The following CCDC7 variants were observed in gnomAD, a reference collection of about 807,000 sequenced individuals.
CCDC7 encodes coiled-coil domain containing 7.
In CCDC7, 183 loss-of-function variants were observed where a neutral mutation model predicts 196.9. That is an observed-to-expected ratio of 0.93 (90% confidence interval 0.82 to 1.05). The LOEUF (loss-of-function observed/expected upper bound fraction) is 1.05. Ranked by LOEUF, CCDC7 falls within the 50% of genes least tolerant of loss-of-function variation. CCDC7 has a pLI of 0.00. For synonymous variants in CCDC7, 525 were observed against 484.6 expected, an observed-to-expected ratio of 1.08 and a Z score of -1.10; for missense variants, 1,540 against 1,482.2, an observed-to-expected ratio of 1.04 and a Z score of -0.64.
At chr10:32,694,416 G>T (rs911669274) in intron 23 of CCDC7, among the ~76,000 whole-genome samples, 6 of 152,142 alleles carry the variant, frequency 3.9e-5, no homozygotes, top group Admixed American at 1.3e-4. Flanking sequence ...TTCATTATGT[G>T]TCATTTTGCT....
chr10:32,579,376 C>T (rs565192100), intron 16 of CCDC7, among the ~76,000 whole-genome samples: 1 of 152,052 alleles, frequency 6.6e-6, no homozygotes, highest in Non-Finnish European at 1.5e-5. Context: ...TCACCATGTG[C>T]TTGGCCAGCC....
chr10:32,552,187 A>C (rs1042013256), intron 13 of CCDC7, among the ~76,000 whole-genome samples: 1 of 152,116 alleles, frequency 6.6e-6, no homozygotes, highest in African/African-American at 2.4e-5. Flanking sequence ...TGTTGCTTTA[A>C]AGTTTGTTTG....
chr10:32,569,258 T>G (rs1487094400), intron 15 of CCDC7, among the ~76,000 whole-genome samples: 1 of 152,198 alleles, frequency 6.6e-6, no homozygotes, highest in Non-Finnish European at 1.5e-5. Flanking sequence ...ACAGGAGATA[T>G]CATTATTGGA....
chr10:32,709,053 C>T (rs1006483798), intron 24 of CCDC7, among the ~76,000 whole-genome samples: 1 of 152,082 alleles, frequency 6.6e-6, no homozygotes, highest in East Asian at 1.9e-4. Flanking sequence ...TTCACAGTAG[C>T]AAAGCTTGGA....
chr10:32,671,808 G>A (rs1361014818), intron 21 of CCDC7, among the ~76,000 whole-genome samples: 2 of 152,124 alleles, frequency 1.3e-5, no homozygotes, highest in Non-Finnish European at 2.9e-5. Flanking sequence ...ATGAGATTGA[G>A]AGTTGTGTCA....
chr10:32,458,229 T>C (rs2034787798), intron 3 of CCDC7, among the ~76,000 whole-genome samples: 1 of 152,182 alleles, frequency 6.6e-6, no homozygotes, highest in Non-Finnish European at 1.5e-5. Flanking sequence ...TGGGGTCTAG[T>C]TTCATTCTTC....
chr10:32,455,582 G>C (rs1210408055), intron 2 of CCDC7, among the ~76,000 whole-genome samples: 1 of 152,140 alleles, frequency 6.6e-6, no homozygotes, highest in Non-Finnish European at 1.5e-5. Flanking sequence ...CTCCCAAAGT[G>C]CTAGGATTAC....
intron 13 of CCDC7, among the ~76,000 whole-genome samples, chr10:32,559,489 G>T (rs563212968): frequency 6.6e-6 from 1 of 152,226 alleles, no homozygotes; most frequent in African/African-American, 2.4e-5. Flanking sequence ...GCAGAGGAAC[G>T]ATCAGACAGC....
intron 8 of CCDC7, among the ~76,000 whole-genome samples, chr10:32,478,305 T>A (rs2039365665): frequency 6.6e-6 from 1 of 152,196 alleles, no homozygotes; most frequent in South Asian, 2.1e-4. Context: ...GATTTTCTTT[T>A]CTTATATTAT....
chr10:32,757,471 T>C (rs757683843), intron 28 of CCDC7, among the ~76,000 whole-genome samples: 9 of 152,200 alleles, frequency 5.9e-5, no homozygotes, highest in Admixed American at 6.5e-5. Flanking sequence ...CCCAGCTACA[T>C]GGAGGCTAAA....
intron 28 of CCDC7, among the ~76,000 whole-genome samples, chr10:32,757,860 G>A (rs1400082256): frequency 6.6e-6 from 1 of 152,142 alleles, no homozygotes; most frequent in African/African-American, 2.4e-5. Context: ...CCACTAGCAA[G>A]ACTAATAAAG....
At chr10:32,706,975 C>T (rs2079884346) in intron 24 of CCDC7, among the ~76,000 whole-genome samples, 1 of 152,188 alleles carries the variant, frequency 6.6e-6, no homozygotes, top group African/African-American at 2.4e-5. Context: ...TTTTATGAGG[C>T]CAGCATCATC....
chr10:32,482,580 G>A (rs2040184618), intron 8 of CCDC7, among the ~76,000 whole-genome samples: 1 of 152,038 alleles, frequency 6.6e-6, no homozygotes, highest in Admixed American at 6.6e-5. Flanking sequence ...CATGTGCCAT[G>A]TTGGTGTGCT....
At chr10:32,563,650 C>G (rs1043332667) in intron 13 of CCDC7, among the ~76,000 whole-genome samples, 3 of 152,120 alleles carry the variant, frequency 2.0e-5, no homozygotes, top group Non-Finnish European at 4.4e-5. Flanking sequence ...AAAATTAATT[C>G]AAGATGGATT....
At chr10:32,616,416 A>G (rs953899113) in intron 18 of CCDC7, among the ~76,000 whole-genome samples, 4 of 151,880 alleles carry the variant, frequency 2.6e-5, no homozygotes, top group African/African-American at 4.8e-5. Context: ...TCATTTTTAT[A>G]GCCATTGTGA....
intron 21 of CCDC7, among the ~76,000 whole-genome samples, chr10:32,675,052 C>T (rs1263708565): frequency 2.6e-5 from 4 of 152,020 alleles, no homozygotes; most frequent in Non-Finnish European, 5.9e-5. Context: ...ATCCTTTCAG[C>T]TTCTCTGTAT....
chr10:32,784,640 C>T (rs1282431836), intron 29 of CCDC7, among the ~76,000 whole-genome samples: 2 of 149,982 alleles, frequency 1.3e-5, no homozygotes, highest in Non-Finnish European at 3.0e-5. Context: ...GGCGCAATCT[C>T]GGCTCACTGC....
At chr10:32,545,724 G>T (rs995748063) in intron 13 of CCDC7, among the ~76,000 whole-genome samples, 1 of 151,944 alleles carries the variant, frequency 6.6e-6, no homozygotes, top group Non-Finnish European at 1.5e-5. Context: ...TGGCCAACAC[G>T]GCAAAACCCT....
chr10:32,453,026 G>A (rs896706243), intron 1 of CCDC7, among the ~76,000 whole-genome samples: 2 of 152,100 alleles, frequency 1.3e-5, no homozygotes, highest in Non-Finnish European at 2.9e-5. Context: ...AGTCAAGGCA[G>A]ACTTTGAGGA....
Sources: gnomAD v4.1 joint callset for allele counts (sites outside exome capture counted in the v4.1 genomes callset) on GRCh38, gnomAD v4.1.1 for gene constraint, MANE v1.5 for transcripts, NCBI Gene and HGNC (gene_info 2026-07-23, HGNC 2026-07-21) for gene names.